PDCD1LG2: variants seen among roughly 807,000 people sequenced by gnomAD.
PDCD1LG2 encodes B7 dendritic cell molecule.
In PDCD1LG2, 32 loss-of-function variants were observed where a neutral mutation model predicts 28.2. The observed-to-expected ratio is 1.13, with a 90% confidence interval of 0.86 to 1.52. The LOEUF is 1.52. Among genes scored for constraint, PDCD1LG2 ranks in the 40% most tolerant of loss-of-function variants. The pLI, the probability that PDCD1LG2 is intolerant of heterozygous loss-of-function variation, is 0.00. For missense variants in PDCD1LG2, 385 were observed against 323.8 expected (o/e 1.19, Z -1.45); for synonymous variants, 116 against 120.2 (o/e 0.97, Z 0.23).
chr9:5,517,869 T>G (rs1292170204), intron 1 of PDCD1LG2, among the ~76,000 whole-genome samples: 1 of 151,836 alleles, frequency 6.6e-6, no homozygotes, highest in African/African-American at 2.4e-5. Context: ...CCTCAATAAG[T>G]GGAGGATGGA....
intron 5 of PDCD1LG2, among the ~76,000 whole-genome samples, chr9:5,558,850 GAGA>G (rs1479947985): frequency 1.3e-5 from 2 of 152,212 alleles, no homozygotes; most frequent in Non-Finnish European, 2.9e-5. Context: ...ACAGGAGATG[GAGA>G]AGAAGAAAGA....
rs1008674430 is a variant in PDCD1LG2, at chr9:5,570,891, G to T, written c.*932G>T. The T allele has an allele frequency of 4.3e-6, 1 of 232,708 alleles. No individual in the cohort carries two copies. Among genetic ancestry groups the T allele is most frequent in the African/African-American group, 2.2e-5 (1 of 45,314 alleles). 14.4% of individuals were successfully genotyped at this position (232,708 alleles called of 1,614,324 possible). A position where few individuals can be genotyped will look rare whatever the true frequency, so the allele number is the denominator to read the frequency against. ...CACATCTGTAATACAGCAATGCTAA[G>T]TAGTCAAGGCCTTTGATAATTGGCA... On this transcript the variant is annotated 3_prime_UTR_variant, in exon 7 of 7. Transcript: ENST00000397747.
intron 6 of PDCD1LG2, among the ~76,000 whole-genome samples, chr9:5,566,185 G>C (rs980157588): frequency 6.6e-6 from 1 of 152,136 alleles, no homozygotes; most frequent in Non-Finnish European, 1.5e-5. Flanking sequence ...ACTTAGCCTG[G>C]ACATGTCCCT....
At chr9:5,519,395 G>A (rs1008598702) in intron 1 of PDCD1LG2, among the ~76,000 whole-genome samples, 1 of 152,144 alleles carries the variant, frequency 6.6e-6, no homozygotes, top group East Asian at 1.9e-4. Flanking sequence ...GCTAACCCTG[G>A]GAGCGGCAGT....
chr9:5,544,178 GA>G (rs1820747684), intron 3 of PDCD1LG2, among the ~76,000 whole-genome samples: 1 of 152,228 alleles, frequency 6.6e-6, no homozygotes, highest in Non-Finnish European at 1.5e-5. Flanking sequence ...TAAACCTGTG[GA>G]AATCTAAAGC....
At chr9:5,531,676 C>A (rs1586800881) in intron 2 of PDCD1LG2, among the ~76,000 whole-genome samples, 1 of 152,226 alleles carries the variant, frequency 6.6e-6, no homozygotes, top group Admixed American at 6.5e-5. Context: ...CGTTCCCTTT[C>A]TTATGACAAG....
intron 3 of PDCD1LG2, 61 bp downstream of exon 3, chr9:5,535,111 C>T (rs1469578207): frequency 4.2e-6 from 6 of 1,426,984 alleles, no homozygotes; most frequent in Non-Finnish European, 5.6e-6. Context: ...ATCTGCAAGT[C>T]ACAGAAACCC....
intron 3 of PDCD1LG2, among the ~76,000 whole-genome samples, chr9:5,538,924 G>A (rs1386167180): frequency 4.0e-5 from 6 of 151,772 alleles, no homozygotes; most frequent in African/African-American, 9.7e-5. Flanking sequence ...TGATCAGATC[G>A]GGGTAATTAG....
chr9:5,555,266 A>C lies in PDCD1LG2; in HGVS notation c.632-2352A>C, dbSNP rs554198396. Among the ~76,000 whole-genome samples the C allele has an allele frequency of 2.0e-5, 3 of 152,126 alleles. No individual in the cohort carries two copies. The South Asian group carries it at 6.2e-4, about 32-fold the overall frequency. Reference sequence around the variant, plus strand: ...CCCCGTCTCTACTAAAAATACAAAAAATTAGCCAGGCATGGTGGCAGGTGC... The same window carrying C: ...CCCCGTCTCTACTAAAAATACAAAACATTAGCCAGGCATGGTGGCAGGTGC... On this transcript the variant is annotated intron_variant, in intron 4 of 6. Coordinates refer to ENST00000397747, the MANE Select transcript of PDCD1LG2 (RefSeq NM_025239.4).
At chr9:5,553,900 T>G (rs1816384973) in intron 4 of PDCD1LG2, among the ~76,000 whole-genome samples, 1 of 152,162 alleles carries the variant, frequency 6.6e-6, no homozygotes, top group African/African-American at 2.4e-5. Context: ...AACCATCCCT[T>G]CCTCACCACA....
At chr9:5,558,858 G>C (rs1378419275) in intron 5 of PDCD1LG2, among the ~76,000 whole-genome samples, 1 of 152,164 alleles carries the variant, frequency 6.6e-6, no homozygotes, top group Non-Finnish European at 1.5e-5. Context: ...TGGAGAAGAA[G>C]AAAGATAGAA....
chr9:5,537,725 G>C (rs1010736568), intron 3 of PDCD1LG2, among the ~76,000 whole-genome samples: 1 of 152,202 alleles, frequency 6.6e-6, no homozygotes, highest in African/African-American at 2.4e-5. Flanking sequence ...ACTGGGGACT[G>C]TTGTGTGGTC....
intron 1 of PDCD1LG2, among the ~76,000 whole-genome samples, chr9:5,515,922 C>CAAAAAAAAAAAAAAAAAAAAAA (rs1204038026): frequency 6.6e-5 from 2 of 30,294 alleles, no homozygotes; most frequent in East Asian, 8.3e-4. Flanking sequence ...GACTCCATCT[C>CAAAAAAAAAAAAAAAAAAAAAA]AAAAAAAAAA....
chr9:5,539,222 G>C (rs1820642591), intron 3 of PDCD1LG2, among the ~76,000 whole-genome samples: 1 of 152,108 alleles, frequency 6.6e-6, no homozygotes, highest in Non-Finnish European at 1.5e-5. Context: ...GGTGAGAAGA[G>C]CATACTGCAT....
At chr9:5,541,774 A>T (rs575357040) in intron 3 of PDCD1LG2, among the ~76,000 whole-genome samples, 5 of 152,118 alleles carry the variant, frequency 3.3e-5, no homozygotes, top group Non-Finnish European at 5.9e-5. Flanking sequence ...TACAAAGTCA[A>T]TGCAATCCCC....
intron 6 of PDCD1LG2, among the ~76,000 whole-genome samples, chr9:5,564,346 C>T (rs1472446955): frequency 6.6e-6 from 1 of 152,158 alleles, no homozygotes; most frequent in Non-Finnish European, 1.5e-5. Flanking sequence ...TCAGAATCTA[C>T]CACTCTAAGT....
intron 4 of PDCD1LG2, among the ~76,000 whole-genome samples, chr9:5,550,755 A>T (rs961430733): frequency 2.0e-5 from 3 of 151,294 alleles, no homozygotes; most frequent in African/African-American, 7.3e-5. Context: ...ATGCAGTGGC[A>T]CGATCCCGGC....
At chr9:5,566,117 G>A (rs978628805) in intron 6 of PDCD1LG2, among the ~76,000 whole-genome samples, 20 of 152,038 alleles carry the variant, frequency 1.3e-4, no homozygotes, top group African/African-American at 1.4e-4. Flanking sequence ...TAGGCTGCCC[G>A]GGAGCCATCC....
chr9:5,515,067 G>C (rs1329467378), intron 1 of PDCD1LG2, among the ~76,000 whole-genome samples: 1 of 152,170 alleles, frequency 6.6e-6, no homozygotes, highest in East Asian at 1.9e-4. Flanking sequence ...TGAATGTGAA[G>C]AATGTTTACC....
Sources: allele counts gnomAD v4.1 joint callset (sites outside exome capture counted in the v4.1 genomes callset), GRCh38; gene constraint gnomAD v4.1.1; transcripts MANE v1.5; gene names NCBI Gene and HGNC (gene_info 2026-07-23, HGNC 2026-07-21).